Variants in SLC10A7 observed in about 807,000 individuals in gnomAD.
SLC10A7 encodes sodium/bile acid cotransporter 7.
A neutral mutation model predicts 43.2 loss-of-function variants in SLC10A7; 29 were observed. The observed-to-expected ratio is 0.67, with a 90% CI of 0.50 to 0.92. The LOEUF (loss-of-function observed/expected upper bound fraction) is 0.92, where lower values mean the gene tolerates loss of function less well. SLC10A7 is among the 40% of genes least tolerant of loss of function. The pLI is 0.00. For synonymous variants in SLC10A7, 152 were observed against 144.8 expected (o/e 1.05, Z -0.35); for missense variants, 295 against 403.2 (o/e 0.73, Z 2.30).
intron 5 of SLC10A7, among the ~76,000 whole-genome samples, chr4:146,357,492 CA>C (rs1361729215): frequency 1.3e-5 from 2 of 152,130 alleles, no homozygotes; most frequent in African/African-American, 4.8e-5. Context: ...GCAAAAAAGG[CA>C]AAGCAAATAA....
chr4:146,381,473 A>G (rs546968818), intron 5 of SLC10A7, among the ~76,000 whole-genome samples: 112 of 152,170 alleles, frequency 7.4e-4, no homozygotes, highest in African/African-American at 2.6e-3. Context: ...GGGATGCTTC[A>G]ATTAGTCATT....
At chr4:146,355,184 A>G (rs1167184351) in intron 5 of SLC10A7, among the ~76,000 whole-genome samples, 1 of 151,448 alleles carries the variant, frequency 6.6e-6, no homozygotes, top group Non-Finnish European at 1.5e-5. Context: ...ACTCAAACAA[A>G]TTTACAAGAA....
chr4:146,401,309 T>C (rs921266700), intron 5 of SLC10A7, among the ~76,000 whole-genome samples: 1 of 152,170 alleles, frequency 6.6e-6, no homozygotes, highest in Non-Finnish European at 1.5e-5. Context: ...AAATTATGGT[T>C]ACTATCTGAC....
chr4:146,338,877 T>C (rs369462947), intron 5 of SLC10A7, among the ~76,000 whole-genome samples: 14 of 152,056 alleles, frequency 9.2e-5, no homozygotes, highest in African/African-American at 2.7e-4. Context: ...GAGGAAGGTT[T>C]TTAAAAGAGA....
Position 146,256,393 on chromosome 4 carries a change from A to G in SLC10A7, c.*98T>C. Reference sequence around the variant, plus strand: ...ATATTTTTGTGTAAAAAAATAAAATATGCATTGAGGCAACATTCACAAGTA... The same window carrying G: ...ATATTTTTGTGTAAAAAAATAAAATGTGCATTGAGGCAACATTCACAAGTA... On this transcript the variant is annotated 3_prime_UTR_variant, in exon 12 of 12. Coordinates refer to ENST00000335472, the MANE Select transcript of SLC10A7 (RefSeq NM_001029998.6). 1 of 1,134,234 alleles carries G rather than the reference A, an allele frequency of 8.8e-7. No homozygotes were observed. Among genetic ancestry groups the G allele is most frequent in the Non-Finnish European group, 1.3e-6 (1 of 764,598 alleles). The allele number at this position is 1,134,234 out of a possible 1,614,324, so 70.3% of individuals were successfully genotyped here.
intron 10 of SLC10A7, among the ~76,000 whole-genome samples, chr4:146,273,136 C>T (rs184495333): frequency 5.9e-5 from 9 of 152,236 alleles, no homozygotes; most frequent in East Asian, 5.8e-4. Context: ...CATTAGGAAG[C>T]GCAGTGACAA....
At chr4:146,297,340 G>C (rs570219281) in intron 7 of SLC10A7, among the ~76,000 whole-genome samples, 1 of 152,126 alleles carries the variant, frequency 6.6e-6, no homozygotes, top group South Asian at 2.1e-4. Context: ...ACTTAAATTT[G>C]ACTCTCTGTG....
intron 5 of SLC10A7, among the ~76,000 whole-genome samples, chr4:146,400,875 A>G (rs1460160173): frequency 6.6e-6 from 1 of 152,210 alleles, no homozygotes; most frequent in Admixed American, 6.5e-5. Flanking sequence ...TACAAAATAA[A>G]CAGAAGTGAG....
At chr4:146,328,216 T>G (rs1175393910) in intron 5 of SLC10A7, among the ~76,000 whole-genome samples, 1 of 152,114 alleles carries the variant, frequency 6.6e-6, no homozygotes, top group Non-Finnish European at 1.5e-5. Context: ...AACCCATCCC[T>G]CCCACCAGCA....
At chr4:146,390,142 TACAC>T (rs938609509) in intron 5 of SLC10A7, among the ~76,000 whole-genome samples, 8 of 152,336 alleles carry the variant, frequency 5.3e-5, no homozygotes, top group African/African-American at 1.9e-4. Flanking sequence ...TTTTATATCT[TACAC>T]AGAATAATCA....
At chr4:146,434,991 A>C (rs1730099277) in intron 5 of SLC10A7, among the ~76,000 whole-genome samples, 1 of 143,128 alleles carries the variant, frequency 7.0e-6, no homozygotes, top group Non-Finnish European at 1.5e-5. Context: ...AATTTTAAGC[A>C]AATTGAGGGC....
At chr4:146,471,530 A>G (rs986875012) in intron 4 of SLC10A7, among the ~76,000 whole-genome samples, 4 of 152,186 alleles carry the variant, frequency 2.6e-5, no homozygotes, top group Non-Finnish European at 5.9e-5. Flanking sequence ...CTATTTGGTG[A>G]GGCTTGCTGA....
intron 5 of SLC10A7, among the ~76,000 whole-genome samples, chr4:146,361,221 T>G (rs1198919323): frequency 1.3e-5 from 2 of 152,230 alleles, no homozygotes; most frequent in South Asian, 2.1e-4. Flanking sequence ...GGCACTCATA[T>G]AATGCCTAAT....
chr4:146,369,065 C>G (rs150773792), intron 5 of SLC10A7, among the ~76,000 whole-genome samples: 1 of 152,284 alleles, frequency 6.6e-6, no homozygotes, highest in East Asian at 1.9e-4. Context: ...ATTATAACTT[C>G]CTATTCATGA....
chr4:146,342,058 C>T (rs1734300617), intron 5 of SLC10A7, among the ~76,000 whole-genome samples: 1 of 151,766 alleles, frequency 6.6e-6, no homozygotes, highest in East Asian at 1.9e-4. Flanking sequence ...TACCCACCTA[C>T]TCATCCATCT....
At chr4:146,394,524 G>C (rs755030427) in intron 5 of SLC10A7, among the ~76,000 whole-genome samples, 1 of 151,806 alleles carries the variant, frequency 6.6e-6, no homozygotes, top group Non-Finnish European at 1.5e-5. Context: ...CATTACACCC[G>C]GCTAATTTTT....
At chr4:146,376,470 C>T (rs189901847) in intron 5 of SLC10A7, among the ~76,000 whole-genome samples, 9 of 152,126 alleles carry the variant, frequency 5.9e-5, no homozygotes, top group East Asian at 1.9e-4. Context: ...CATTAAAAAC[C>T]CCAAACCCCA....
chr4:146,497,117 T>G (rs1054569236), intron 4 of SLC10A7, among the ~76,000 whole-genome samples: 1 of 152,234 alleles, frequency 6.6e-6, no homozygotes, highest in African/African-American at 2.4e-5. Context: ...TCAATATGTC[T>G]AGGGTGGATA....
At chr4:146,288,018 G>A (rs955163215) in intron 9 of SLC10A7, among the ~76,000 whole-genome samples, 6 of 152,284 alleles carry the variant, frequency 3.9e-5, no homozygotes, top group East Asian at 1.9e-4. Context: ...TGCAAGATAC[G>A]CTTACTTGTC....
Sources: allele counts gnomAD v4.1 joint callset (sites outside exome capture counted in the v4.1 genomes callset), GRCh38; gene constraint gnomAD v4.1.1; transcripts MANE v1.5; gene names NCBI Gene and HGNC (gene_info 2026-07-23, HGNC 2026-07-21).